The following TENM1 variants were observed in gnomAD, a reference collection of about 807,000 sequenced individuals.
TENM1 encodes the protein teneurin-1.
TENM1 carries 35 observed loss-of-function variants against 174.8 expected under a neutral mutation model. That is an observed-to-expected ratio of 0.20 (90% CI 0.15 to 0.27). TENM1 has a LOEUF of 0.27. Ranked by LOEUF, TENM1 falls within the 10% of genes least tolerant of loss-of-function variation. The probability of loss-of-function intolerance (pLI) is 1.00; values close to 1 mark genes in which losing one functional copy is unlikely to be tolerated. For synonymous variants in TENM1, 781 were observed against 798.7 expected (o/e 0.98, Z 0.37); for missense variants, 1,633 against 2,130.1 (o/e 0.77, Z 4.59).
the TENM1 span, among the ~76,000 whole-genome samples, chrX:125,132,884 G>A: frequency 2.7e-5 from 3 of 112,004 alleles, no homozygotes; most frequent in Admixed American, 9.4e-5. Flanking sequence ...AAATGAAGAT[G>A]ATAATGTATA....
At chrX:124,928,726 T>G (rs1250668179) in intron 1 of TENM1, among the ~76,000 whole-genome samples, 1 of 111,778 alleles carries the variant, frequency 8.9e-6, no homozygotes, top group African/African-American at 3.3e-5. Flanking sequence ...AAATTGAAGT[T>G]AAATATGTGC....
the TENM1 span, among the ~76,000 whole-genome samples, chrX:125,131,830 T>C: frequency 4.5e-5 from 5 of 111,732 alleles, no homozygotes; most frequent in Admixed American, 4.8e-4. Flanking sequence ...ACTTGAGTAC[T>C]TTGTTGGGTG....
chrX:124,714,000 C>G (rs1230855097), intron 4 of TENM1, among the ~76,000 whole-genome samples: 1 of 112,108 alleles, frequency 8.9e-6, no homozygotes, highest in Admixed American at 9.5e-5. Context: ...AATAATTATA[C>G]TAATAATTTA....
At chrX:124,431,898 C>T (rs1047821134) in intron 23 of TENM1, among the ~76,000 whole-genome samples, 1 of 111,877 alleles carries the variant, frequency 8.9e-6, no homozygotes, top group African/African-American at 3.2e-5. Flanking sequence ...TCCATGGCTT[C>T]CCAATTAGAG....
chrX:124,598,463 A>G (rs1182604040), intron 11 of TENM1, among the ~76,000 whole-genome samples: 1 of 112,008 alleles, frequency 8.9e-6, no homozygotes, highest in African/African-American at 3.2e-5. Flanking sequence ...ACTGTTCACA[A>G]TAGCTAAGAT....
chrX:125,108,670 C>A, the TENM1 span, among the ~76,000 whole-genome samples: 1 of 108,654 alleles, frequency 9.2e-6, no homozygotes, highest in Non-Finnish European at 1.9e-5. Context: ...GCACTCCAGC[C>A]TGAGTGACAA....
chrX:124,707,011 G>A (rs1348031356), intron 4 of TENM1, among the ~76,000 whole-genome samples: 1 of 101,786 alleles, frequency 9.8e-6, no homozygotes, highest in African/African-American at 3.7e-5. Context: ...ACAGTGGCAC[G>A]ATCTCATTCA....
intron 3 of TENM1, among the ~76,000 whole-genome samples, chrX:124,841,889 A>G (rs1483044046): frequency 1.8e-5 from 2 of 112,354 alleles, no homozygotes; most frequent in Non-Finnish European, 3.8e-5. Flanking sequence ...ATGTTGAGTA[A>G]CTTTGTCTCT....
intron 3 of TENM1, among the ~76,000 whole-genome samples, chrX:124,809,195 C>T (rs1344720247): frequency 9.0e-6 from 1 of 111,220 alleles, no homozygotes; most frequent in Non-Finnish European, 1.9e-5. Context: ...ATTGGATAGC[C>T]TAGAAGAAAC....
chrX:124,716,629 G>A (rs972522549), intron 4 of TENM1, among the ~76,000 whole-genome samples: 1 of 112,062 alleles, frequency 8.9e-6, no homozygotes, highest in Non-Finnish European at 1.9e-5. Context: ...ATTGGTAGCC[G>A]GTGCCATTTC....
intron 3 of TENM1, among the ~76,000 whole-genome samples, chrX:124,788,794 G>A (rs775229279): frequency 6.2e-5 from 7 of 112,399 alleles, no homozygotes; most frequent in East Asian, 2.8e-4. Flanking sequence ...TGCTTTCATG[G>A]GCTTGTGTTG....
intron 14 of TENM1, among the ~76,000 whole-genome samples, chrX:124,549,221 T>G (rs1381828320): frequency 8.9e-6 from 1 of 112,357 alleles, no homozygotes; most frequent in Non-Finnish European, 1.9e-5. Context: ...CTGGATGCGC[T>G]GAAAAGCTGG....
chrX:125,192,920 CTT>C, the TENM1 span, among the ~76,000 whole-genome samples: 3 of 111,567 alleles, frequency 2.7e-5, no homozygotes, highest in South Asian at 1.1e-3. Context: ...ATAAGAGAAA[CTT>C]TATATTCACT....
chrX:124,577,241 G>A (rs781203510), intron 11 of TENM1, among the ~76,000 whole-genome samples: 2 of 111,419 alleles, frequency 1.8e-5, no homozygotes, highest in South Asian at 3.8e-4. Flanking sequence ...TGCAGAAGGT[G>A]TGTTCAAGGC....
At chrX:124,607,752 G>T (rs2050193431) in intron 11 of TENM1, among the ~76,000 whole-genome samples, 1 of 110,979 alleles carries the variant, frequency 9.0e-6, no homozygotes, top group African/African-American at 3.3e-5. Context: ...TTGTTCTGCT[G>T]AGAATAGACT....
At chrX:124,538,015 ATTC>A (rs2048240792) in intron 15 of TENM1, among the ~76,000 whole-genome samples, 3 of 112,054 alleles carry the variant, frequency 2.7e-5, no homozygotes, top group African/African-American at 9.7e-5. Flanking sequence ...CTGATTTTTC[ATTC>A]TTCTTTGCCC....
chrX:124,957,251 TA>T (rs2058588320), intron 1 of TENM1, among the ~76,000 whole-genome samples: 1 of 108,535 alleles, frequency 9.2e-6, no homozygotes, highest in South Asian at 4.0e-4. Context: ...GGATGACAGA[TA>T]AACTTTGCTT....
At chrX:124,796,392 A>G (rs2055305684) in intron 3 of TENM1, among the ~76,000 whole-genome samples, 2 of 111,865 alleles carry the variant, frequency 1.8e-5, no homozygotes, top group Non-Finnish European at 3.8e-5. Context: ...TTCATTTTGC[A>G]GCCATGGCCA....
At chrX:124,454,567 C>G (rs973543998) in intron 22 of TENM1, among the ~76,000 whole-genome samples, 8 of 110,919 alleles carry the variant, frequency 7.2e-5, no homozygotes, top group African/African-American at 2.3e-4. Context: ...GCACGCCTGG[C>G]TAGTTTTTTG....
Sources: allele counts gnomAD v4.1 joint callset (sites outside exome capture counted in the v4.1 genomes callset), GRCh38; gene constraint gnomAD v4.1.1; transcripts MANE v1.5; gene names NCBI Gene and HGNC (gene_info 2026-07-23, HGNC 2026-07-21).